The following ASCC1 variants were observed in gnomAD, a reference collection of about 807,000 sequenced individuals.
The protein encoded by ASCC1 is ASC-1 complex subunit P50.
A neutral mutation model predicts 46.6 loss-of-function variants in ASCC1; 35 were observed. That is an observed-to-expected ratio of 0.75 (90% CI 0.57 to 0.99). ASCC1 has a LOEUF of 0.99. ASCC1 is among the 50% of genes least tolerant of loss of function. The pLI is 0.00. For missense variants in ASCC1, 376 were observed against 428.7 expected (o/e 0.88, Z 1.09); for synonymous variants, 143 against 146.6 (o/e 0.98, Z 0.18).
intron 9 of ASCC1, among the ~76,000 whole-genome samples, chr10:72,118,074 C>A (rs28734943): frequency 0.13 from 19,785 of 152,150 alleles, 4,046 homozygotes; most frequent in African/African-American, 0.43. Context: ...AGTGACTAAG[C>A]AAATAATTTT....
intron 7 of ASCC1, among the ~76,000 whole-genome samples, chr10:72,152,191 TTG>T (rs1270358129): frequency 2.0e-5 from 3 of 150,364 alleles, no homozygotes; most frequent in Non-Finnish European, 4.4e-5. Context: ...TTTTTGTTTT[TTG>T]TGTTTTTTTT....
intron 5 of ASCC1, among the ~76,000 whole-genome samples, chr10:72,178,755 T>A (rs1852179496): frequency 6.6e-6 from 1 of 152,192 alleles, no homozygotes; most frequent in Non-Finnish European, 1.5e-5. Flanking sequence ...ACGATTGTGG[T>A]AATTTTTTAC....
intron 5 of ASCC1, among the ~76,000 whole-genome samples, chr10:72,168,808 T>C (rs1247286230): frequency 6.6e-6 from 1 of 152,180 alleles, no homozygotes. Flanking sequence ...CAGGTGGCCA[T>C]CTGCAAGCCA....
In ASCC1 at chr10:72,187,826, A is replaced by T. The variant is rs567206356; in HGVS notation, c.489+8985T>A. On this transcript the variant is annotated intron_variant, in intron 5 of 9. Transcript: ENST00000672957. ...CTTTTTACAGTTAGAGGTGGTGGGC[A>T]TCTGTAGTCCCAGCTACTCGAGAGG... Among the ~76,000 whole-genome samples, 9 of 148,786 alleles carry T rather than the reference A, an allele frequency of 6.0e-5. No homozygotes were observed. The East Asian group carries it at 1.8e-3, about 30-fold the overall frequency.
chr10:72,183,981 T>C (rs1159147913), intron 5 of ASCC1, among the ~76,000 whole-genome samples: 1 of 151,454 alleles, frequency 6.6e-6, no homozygotes, highest in Admixed American at 6.6e-5. Flanking sequence ...CCATCTCTAC[T>C]AAAAATATAA....
chr10:72,192,734 T>C (rs1407376164), intron 5 of ASCC1, among the ~76,000 whole-genome samples: 1 of 152,158 alleles, frequency 6.6e-6, no homozygotes, highest in Non-Finnish European at 1.5e-5. Context: ...CCTCAAGTGA[T>C]CCACCCACCT....
rs1231435766 is a variant in ASCC1, at chr10:72,191,600, CCA to C, written c.489+5209_489+5210del. On this transcript the variant is annotated intron_variant, in intron 5 of 9. Transcript: ENST00000672957. The stretch of plus-strand genomic sequence containing the variant: ...TAGATCTAAATATAAAAAACCAAAA[CCA>C]TAAACATTCTAAAAAGAAAACCTTC... Among the ~76,000 whole-genome samples the C allele has an allele frequency of 2.0e-5, 3 of 151,708 alleles. No individual in the cohort carries two copies. The East Asian group carries it at 5.8e-4, about 29-fold the overall frequency.
chr10:72,107,875 T>C lies in ASCC1; in HGVS notation c.958-10425A>G, dbSNP rs150462560. On this transcript the variant is annotated intron_variant, in intron 9 of 9. Transcript: ENST00000672957. The stretch of plus-strand genomic sequence containing the variant: ...GCTGTAACTGTTGTTTTTCTGATTA[T>C]AGATTAGCCTTTTTCCTCACCTACA... 3.0e-3 allele frequency among the ~76,000 whole-genome samples: 452 copies of C among 152,322 alleles called. 2 individuals carry two copies. Among genetic ancestry groups the C allele is most frequent in the African/African-American group, 0.01 (430 of 41,574 alleles).
At chr10:72,161,427 A>C (rs936703843) in intron 6 of ASCC1, 111 bp downstream of exon 6, 8 of 1,404,286 alleles carry the variant, frequency 5.7e-6, no homozygotes, top group Non-Finnish European at 8.0e-6. Flanking sequence ...CCATCAAATC[A>C]CATGAGTCCT....
At chr10:72,160,611 A>G (rs1414772421) in intron 6 of ASCC1, among the ~76,000 whole-genome samples, 1 of 152,100 alleles carries the variant, frequency 6.6e-6, no homozygotes, top group East Asian at 1.9e-4. Context: ...CTGTAATCCC[A>G]GCACTTTTGG....
intron 9 of ASCC1, among the ~76,000 whole-genome samples, chr10:72,098,252 T>C (rs1015121666): frequency 7.2e-5 from 11 of 152,190 alleles, no homozygotes; most frequent in African/African-American, 2.7e-4. Context: ...CCCAGGAAAA[T>C]GCAGCCATAG....
At chr10:72,167,306 C>CAT (rs1850474713) in intron 5 of ASCC1, among the ~76,000 whole-genome samples, 1 of 152,160 alleles carries the variant, frequency 6.6e-6, no homozygotes, top group Non-Finnish European at 1.5e-5. Flanking sequence ...CATGCAAAAA[C>CAT]ATAGATAAGC....
In ASCC1 at chr10:72,189,417, T is replaced by TA. The variant is rs755730011; in HGVS notation, c.489+7393dup. Reference sequence around the variant, plus strand: ...AGCAAGACTCCATCTCAAAAAAAAATAAAAATAAAAAAATATTTGGAGAAG... The same window carrying TA: ...AGCAAGACTCCATCTCAAAAAAAAATAAAAAATAAAAAAATATTTGGAGAAG... On this transcript the variant is annotated intron_variant, in intron 5 of 9. Transcript: ENST00000672957. 3.9e-4 allele frequency among the ~76,000 whole-genome samples: 58 copies of TA among 149,574 alleles called. No homozygotes were observed. In the East Asian group the frequency reaches 0.011, roughly 28 times the overall value.
intron 1 of ASCC1, among the ~76,000 whole-genome samples, chr10:72,213,937 C>G (rs1452752752): frequency 2.0e-5 from 3 of 152,010 alleles, no homozygotes; most frequent in South Asian, 2.1e-4. Flanking sequence ...ACTCGGGAGG[C>G]TGAGGCAGGA....
At chr10:72,147,763 C>T (rs967218307) in intron 7 of ASCC1, among the ~76,000 whole-genome samples, 3 of 152,050 alleles carry the variant, frequency 2.0e-5, no homozygotes, top group Non-Finnish European at 4.4e-5. Context: ...ACAGATGTTA[C>T]GAAGACTAAA....
At chr10:72,101,451 G>A (rs1841749716) in intron 9 of ASCC1, among the ~76,000 whole-genome samples, 1 of 152,158 alleles carries the variant, frequency 6.6e-6, no homozygotes, top group African/African-American at 2.4e-5. Flanking sequence ...CCTGAGCTGG[G>A]CCTTGTGGCA....
chr10:72,119,354 C>T (rs1279166662), intron 9 of ASCC1, among the ~76,000 whole-genome samples: 1 of 152,162 alleles, frequency 6.6e-6, no homozygotes, highest in Non-Finnish European at 1.5e-5. Context: ...GAAAGCTTAA[C>T]ATACCTAGGG....
chr10:72,178,176 G>C (rs1019642566), intron 5 of ASCC1, among the ~76,000 whole-genome samples: 4 of 152,168 alleles, frequency 2.6e-5, no homozygotes, highest in Non-Finnish European at 4.4e-5. Flanking sequence ...GCATAGAAAA[G>C]TTGCCTGTTG....
Position 72,210,799 on chromosome 10 carries a change from C to T in ASCC1, c.145G>A (p.Ala49Thr). Residue 49 changes from alanine to threonine, a missense_variant, in exon 3 of 10, where the codon GCC (alanine) becomes ACC (threonine). Coordinates refer to ENST00000672957, the MANE Select transcript of ASCC1 (RefSeq NM_001198800.3). ...TGTGGGGTCTGCTCCACCTCGTAGGCATCACAGGGCTCATCAGCACACTCC... is the reference window on the plus strand; with the variant it reads ...TGTGGGGTCTGCTCCACCTCGTAGGTATCACAGGGCTCATCAGCACACTCC... ...SMECADEPCD[A>T]YEVEQTPQGF... 6.2e-7 allele frequency: 1 copy of T among 1,614,028 alleles called. No homozygotes were observed. Among genetic ancestry groups the T allele is most frequent in the Non-Finnish European group, 8.5e-7 (1 of 1,179,994 alleles).
Sources: allele counts gnomAD v4.1 joint callset (sites outside exome capture counted in the v4.1 genomes callset), GRCh38; gene constraint gnomAD v4.1.1; transcripts MANE v1.5; gene names NCBI Gene and HGNC (gene_info 2026-07-23, HGNC 2026-07-21).